Variants in POLN observed in about 807,000 individuals in gnomAD.
POLN encodes DNA polymerase N.
In POLN, 108 loss-of-function variants were observed where a neutral mutation model predicts 113.5. The observed-to-expected ratio is 0.95, with a 90% CI of 0.81 to 1.12. POLN has a LOEUF of 1.12. Among genes scored for constraint, POLN ranks in the 50% most tolerant of loss-of-function variants. The pLI, the probability that POLN is intolerant of heterozygous loss-of-function variation, is 0.00. For synonymous variants in POLN, 386 were observed against 391.5 expected, an observed-to-expected ratio of 0.99 and a Z score of 0.17; for missense variants, 1,097 against 1,077.1, an observed-to-expected ratio of 1.02 and a Z score of -0.26.
At chr4:2,213,739 A>C (rs1020597704) in intron 3 of POLN, among the ~76,000 whole-genome samples, 2 of 152,224 alleles carry the variant, frequency 1.3e-5, no homozygotes, top group Non-Finnish European at 2.9e-5. Context: ...TAAATATAAC[A>C]AAAAAGATAC....
At chr4:2,121,298 G>A (rs1386142655) in intron 19 of POLN, among the ~76,000 whole-genome samples, 1 of 152,060 alleles carries the variant, frequency 6.6e-6, no homozygotes, top group Non-Finnish European at 1.5e-5. Flanking sequence ...AGCTGGGCAT[G>A]GTGGCAGATG....
At chr4:2,124,229 T>G (rs1443300082) in intron 19 of POLN, among the ~76,000 whole-genome samples, 1 of 152,116 alleles carries the variant, frequency 6.6e-6, no homozygotes, top group Non-Finnish European at 1.5e-5. Flanking sequence ...GCATGAGTTT[T>G]CTTTTTGGGG....
rs542531032 is a variant in POLN, at chr4:2,118,421, T to G, written c.1982+9692A>C. 4.1e-4 allele frequency among the ~76,000 whole-genome samples: 62 copies of G among 152,352 alleles called. 1 individual carries two copies. Among genetic ancestry groups the G allele is most frequent in the African/African-American group, 1.4e-3 (60 of 41,588 alleles). On this transcript the variant is annotated intron_variant, in intron 19 of 25. Coordinates refer to ENST00000511885, the MANE Select transcript of POLN (RefSeq NM_181808.4). ...CATTCTTCACTTTCATTCCTACTTG[T>G]ACATAGGCCAATTCTTTTCTGAGTT...
At chr4:2,175,774 A>G (rs1237936877) in intron 9 of POLN, among the ~76,000 whole-genome samples, 1 of 152,182 alleles carries the variant, frequency 6.6e-6, no homozygotes, top group East Asian at 1.9e-4. Flanking sequence ...CTGCTCTCAG[A>G]TGGGGCATAG....
intron 24 of POLN, 125 bp downstream of exon 24, chr4:2,075,327 G>T: frequency 9.7e-7 from 1 of 1,028,642 alleles, no homozygotes; most frequent in South Asian, 1.6e-5. Context: ...CAGCAGCAAT[G>T]AGGTGGGGCA....
chr4:2,152,074 C>T (rs1254285704), intron 16 of POLN, among the ~76,000 whole-genome samples: 1 of 150,534 alleles, frequency 6.6e-6, no homozygotes, highest in Non-Finnish European at 1.5e-5. Flanking sequence ...ACTCTGTCAC[C>T]AGGCTAGAGT....
At chr4:2,133,487 A>G (rs34403012) in intron 16 of POLN, among the ~76,000 whole-genome samples, 3,008 of 152,330 alleles carry the variant, frequency 0.02, 101 homozygotes, top group African/African-American at 0.066. Context: ...ATTCTGCTAT[A>G]AAAAGAATGA....
intron 2 of POLN, chr4:2,230,607 G>C (rs1425291259): frequency 6.6e-6 from 1 of 151,454 alleles, no homozygotes; most frequent in Non-Finnish European, 1.5e-5. Flanking sequence ...TTGTTCAATG[G>C]GTTTCAAAAA....
At chr4:2,099,008 A>C (rs752789733) in intron 19 of POLN, among the ~76,000 whole-genome samples, 10 of 152,264 alleles carry the variant, frequency 6.6e-5, no homozygotes, top group Non-Finnish European at 1.2e-4. Context: ...CCAAAGCTGG[A>C]ACAATTTAAG....
intron 16 of POLN, among the ~76,000 whole-genome samples, chr4:2,136,119 G>A (rs997204004): frequency 1.3e-5 from 2 of 152,192 alleles, no homozygotes; most frequent in Admixed American, 6.5e-5. Flanking sequence ...CAGGTCCAAC[G>A]AATGTCCAGG....
At chr4:2,226,334 A>C (rs1734392446) in intron 3 of POLN, among the ~76,000 whole-genome samples, 1 of 152,238 alleles carries the variant, frequency 6.6e-6, no homozygotes, top group South Asian at 2.1e-4. Flanking sequence ...TCAGAAAACA[A>C]GGATGGATTC....
intron 3 of POLN, among the ~76,000 whole-genome samples, chr4:2,217,865 G>A (rs929838969): frequency 2.6e-5 from 4 of 152,150 alleles, no homozygotes; most frequent in Non-Finnish European, 5.9e-5. Flanking sequence ...TTCCCAATGT[G>A]GAATATGCTG....
At position 2,129,056 on chromosome 4, in the gene POLN, C is replaced by CAAAA. The variant is rs542873881; in HGVS notation, c.1867+119_1867+122dup. ...GGCCACAAAAGCGAGACTCTTGTCT[C>CAAAA]AAAAAAAAAAAAAAAAAAAAGAATT... On this transcript the variant is annotated intron_variant, in intron 18 of 25. Transcript: ENST00000511885. 401 of 288,296 alleles carry CAAAA rather than the reference C, an allele frequency of 1.4e-3. 1 individual carries two copies. In the African/African-American group the frequency reaches 0.016, roughly 11 times the overall value. 17.9% of individuals were successfully genotyped at this position (288,296 alleles called of 1,614,324 possible). A position where few individuals can be genotyped will look rare whatever the true frequency, so the allele number is the denominator to read the frequency against.
chr4:2,180,646 C>CT (rs1360324270), intron 7 of POLN, among the ~76,000 whole-genome samples: 6 of 152,234 alleles, frequency 3.9e-5, no homozygotes, highest in African/African-American at 1.2e-4. Context: ...GTGATGCGGA[C>CT]TGACCCAATA....
intron 10 of POLN, 26 bp from the exon 11 acceptor site, chr4:2,174,045 C>A: frequency 6.2e-7 from 1 of 1,609,114 alleles, no homozygotes; most frequent in Non-Finnish European, 8.5e-7. Context: ...CAAACCAGAT[C>A]ATATTTGCAT....
intron 20 of POLN, chr4:2,089,333 C>T: frequency 1.4e-6 from 2 of 1,388,724 alleles, no homozygotes; most frequent in South Asian, 1.3e-5. Context: ...TCTGATATTC[C>T]TGGTGAAGAC....
chr4:2,123,610 G>A (rs575406601), intron 19 of POLN, among the ~76,000 whole-genome samples: 1 of 143,214 alleles, frequency 7.0e-6, no homozygotes, highest in South Asian at 2.3e-4. Flanking sequence ...GGGCGACAGG[G>A]TGAGACCCTG....
intron 18 of POLN, among the ~76,000 whole-genome samples, chr4:2,128,513 G>A (rs1381859775): frequency 1.3e-5 from 2 of 152,208 alleles, no homozygotes; most frequent in Non-Finnish European, 2.9e-5. Context: ...CATCAACAAA[G>A]TGACATTGAG....
At chr4:2,174,876 G>C in intron 9 of POLN, 125 bp from the exon 10 acceptor site, 1 of 648,710 alleles carries the variant, frequency 1.5e-6, no homozygotes, top group Non-Finnish European at 2.6e-6. Context: ...AGGTTGGAGT[G>C]CAGTGGCGTG....
Sources: allele counts gnomAD v4.1 joint callset (sites outside exome capture counted in the v4.1 genomes callset), GRCh38; gene constraint gnomAD v4.1.1; transcripts MANE v1.5; gene names NCBI Gene and HGNC (gene_info 2026-07-23, HGNC 2026-07-21).